CCDC180: variants seen among roughly 807,000 people sequenced by gnomAD.
The protein encoded by CCDC180 is coiled-coil domain-containing protein 180.
A neutral mutation model predicts 209.2 loss-of-function variants in CCDC180; 154 were observed. The ratio of observed to expected loss-of-function variants is 0.74; its 90% CI spans 0.65 to 0.84. CCDC180 has a LOEUF of 0.84. CCDC180 is among the 40% of genes least tolerant of loss of function. CCDC180 has a pLI of 0.00. For missense variants in CCDC180, 1,874 were observed against 1,997.3 expected (o/e 0.94, Z 1.18); for synonymous variants, 778 against 749.1 (o/e 1.04, Z -0.63).
intron 3 of CCDC180, among the ~76,000 whole-genome samples, chr9:97,311,159 G>A (rs1424892066): frequency 6.6e-6 from 1 of 152,178 alleles, no homozygotes; most frequent in Non-Finnish European, 1.5e-5. Flanking sequence ...AGGCCAGGGG[G>A]TAAATCACCA....
At chr9:97,325,297 A>G in intron 14 of CCDC180, 105 bp downstream of exon 14, 1 of 1,234,176 alleles carries the variant, frequency 8.1e-7, no homozygotes, top group South Asian at 1.5e-5. Flanking sequence ...ATTTGTGCAG[A>G]TGGGGACATT....
chr9:97,353,820 G>A (rs1826489335), intron 22 of CCDC180, among the ~76,000 whole-genome samples: 1 of 152,192 alleles, frequency 6.6e-6, no homozygotes, highest in East Asian at 1.9e-4. Context: ...ATCTGGTGGG[G>A]TTCGTTTCTT....
chr9:97,375,438 A>G lies in CCDC180; in HGVS notation c.4707-16A>G, dbSNP rs771955241. ...GAAGACAAGCCTGTGAGATTTTCAC[A>G]CATGTTTGTTTGTAGGAAGTGGCCA... On this transcript the variant is annotated splice_polypyrimidine_tract_variant and intron_variant, in intron 35 of 36. Coordinates refer to ENST00000529487, the MANE Select transcript of CCDC180 (RefSeq NM_020893.6). The G allele has an allele frequency of 1.9e-6, 3 of 1,614,108 alleles. No individual in the cohort carries two copies. Among genetic ancestry groups the G allele is most frequent in the Non-Finnish European group, 2.5e-6 (3 of 1,179,922 alleles).
intron 18 of CCDC180, among the ~76,000 whole-genome samples, chr9:97,341,886 T>C (rs1252610465): frequency 6.6e-6 from 1 of 152,184 alleles, no homozygotes; most frequent in African/African-American, 2.4e-5. Flanking sequence ...TCCTCAACAA[T>C]GGTGGATGCC....
At chr9:97,307,885 TC>T in intron 1 of CCDC180, 79 bp downstream of exon 1, 1 of 1,597,942 alleles carries the variant, frequency 6.3e-7, no homozygotes, top group South Asian at 1.1e-5. Context: ...AGAGAGTCCT[TC>T]CCCGGGGAGT....
intron 8 of CCDC180, among the ~76,000 whole-genome samples, chr9:97,315,368 A>C (rs186716297): frequency 2.0e-5 from 3 of 151,912 alleles, no homozygotes; most frequent in Non-Finnish European, 4.4e-5. Context: ...TCTGCCTGCT[A>C]TGTCTGGCTT....
chr9:97,338,624 A>C (rs1825981980), intron 18 of CCDC180, among the ~76,000 whole-genome samples: 1 of 152,208 alleles, frequency 6.6e-6, no homozygotes. Flanking sequence ...GGTGCTGAGA[A>C]GAATGTATAT....
rs1210225388 is a variant in CCDC180 at position 97,349,187 on chromosome 9, G to A, written c.2751G>A (p.Leu917=). The part of the protein sequence containing the change: ...GVTETLKKKR[L]MFCQFQEEQN... ...CCGAGACGCTGAAGAAGAAGCGGCT[G>A]ATGTTCTGCCAGTTCCAAGAAGAGC... The change falls in exon 21 of 37, where the codon CTG becomes CTA. Residue 917 remains leucine, a synonymous_variant. Transcript: ENST00000529487. The A allele has an allele frequency of 6.5e-7, 1 of 1,536,458 alleles. No homozygotes were observed. Among genetic ancestry groups the A allele is most frequent in the Non-Finnish European group, 8.7e-7 (1 of 1,146,996 alleles).
At chr9:97,364,025 ACCAC>A in intron 28 of CCDC180, 22 bp from the exon 29 acceptor site, 1 of 1,611,068 alleles carries the variant, frequency 6.2e-7, no homozygotes, top group Non-Finnish European at 8.5e-7. Context: ...CAGCCTCCAG[ACCAC>A]CCACCCACCT....
intron 24 of CCDC180, among the ~76,000 whole-genome samples, chr9:97,357,025 G>GA (rs1248569558): frequency 6.6e-6 from 1 of 152,212 alleles, no homozygotes; most frequent in Non-Finnish European, 1.5e-5. Flanking sequence ...TGGATGTGTT[G>GA]ACATTTTTAC....
intron 2 of CCDC180, among the ~76,000 whole-genome samples, chr9:97,308,586 C>T (rs1225218134): frequency 6.6e-6 from 1 of 152,202 alleles, no homozygotes; most frequent in Non-Finnish European, 1.5e-5. Flanking sequence ...ACTCCCATAA[C>T]TGTATTAAAG....
chr9:97,371,059 G>A, intron 33 of CCDC180: 1 of 196,250 alleles, frequency 5.1e-6, no homozygotes, highest in South Asian at 1.2e-4. Context: ...CGCTTCCCGG[G>A]TTCACGCCAT....
rs753588482 is a variant in CCDC180, at chr9:97,330,304, G to A, written c.1829-18G>A. On this transcript the variant is annotated intron_variant, in intron 17 of 36. Transcript: ENST00000529487. Reference sequence around the variant, plus strand: ...AGTAAATTGTCTCTCCTTGTGCTTTGGTGTTTATCATCAACAGAAGCACAT... The same window carrying A: ...AGTAAATTGTCTCTCCTTGTGCTTTAGTGTTTATCATCAACAGAAGCACAT... The A allele has an allele frequency of 6.2e-7, 1 of 1,612,446 alleles. No homozygotes were observed. The highest frequency in any genetic ancestry group is 8.5e-7 in the Non-Finnish European group (1 of 1,179,004).
intron 10 of CCDC180, among the ~76,000 whole-genome samples, chr9:97,319,064 G>A (rs943117800): frequency 3.3e-5 from 5 of 152,116 alleles, no homozygotes; most frequent in Non-Finnish European, 7.3e-5. Context: ...GCTATTCAGT[G>A]GGGTGCCCAC....
intron 31 of CCDC180, 144 bp from the exon 32 acceptor site, chr9:97,369,778 T>G: frequency 2.5e-6 from 2 of 813,820 alleles, no homozygotes; most frequent in Non-Finnish European, 1.9e-6. Context: ...CCTCAGGACC[T>G]CTTTTGATGG....
chr9:97,366,474 A>G lies in CCDC180; in HGVS notation c.4048-85A>G. On this transcript the variant is annotated intron_variant, in intron 30 of 36. Coordinates refer to ENST00000529487, the MANE Select transcript of CCDC180 (RefSeq NM_020893.6). This position sits in a 1 kb window ranked among gnomAD's most constrained non-coding sequence, Gnocchi z 4.3. ...CACGAGCAAAGGCTAGGGAGTGTGGAGGTGAGGGCAGGCTGGTGGATCCCA... is the reference window on the plus strand; with the variant it reads ...CACGAGCAAAGGCTAGGGAGTGTGGGGGTGAGGGCAGGCTGGTGGATCCCA... 1 of 1,366,142 alleles carries G rather than the reference A, an allele frequency of 7.3e-7. No homozygotes were observed. The highest frequency in any genetic ancestry group is 1.0e-6 in the Non-Finnish European group (1 of 983,222). The allele number at this position is 1,366,142 out of a possible 1,614,324, so 84.6% of individuals were successfully genotyped here.
intron 24 of CCDC180, among the ~76,000 whole-genome samples, chr9:97,356,251 G>A (rs978780274): frequency 1.3e-5 from 2 of 152,108 alleles, no homozygotes; most frequent in Non-Finnish European, 2.9e-5. Flanking sequence ...GGGCCCACTA[G>A]GACTAGGACA....
intron 3 of CCDC180, among the ~76,000 whole-genome samples, chr9:97,309,973 G>T (rs930662690): frequency 2.6e-5 from 4 of 152,216 alleles, no homozygotes; most frequent in Non-Finnish European, 5.9e-5. Flanking sequence ...AGGATCAGCT[G>T]AAACCAGAGG....
chr9:97,368,161 C>A (rs927967319), intron 31 of CCDC180, among the ~76,000 whole-genome samples: 1 of 152,162 alleles, frequency 6.6e-6, no homozygotes. Context: ...ATGTAAAATG[C>A]TGCATAAAAT....
Sources: allele counts gnomAD v4.1 joint callset (sites outside exome capture counted in the v4.1 genomes callset), GRCh38; gene constraint gnomAD v4.1.1; non-coding constraint Gnocchi (gnomAD v3.1); transcripts MANE v1.5; gene names NCBI Gene and HGNC (gene_info 2026-07-23, HGNC 2026-07-21).